The following SRPX2 variants were observed in gnomAD, a reference collection of about 807,000 sequenced individuals.
SRPX2 encodes the protein sushi repeat containing protein X-linked 2.
SRPX2 carries 26 observed loss-of-function variants against 45.3 expected under a neutral mutation model. The ratio of observed to expected loss-of-function variants is 0.57; its 90% confidence interval spans 0.42 to 0.80. The LOEUF (loss-of-function observed/expected upper bound fraction) is 0.80. SRPX2 is among the 30% of genes least tolerant of loss of function. SRPX2 has a pLI of 0.00. For synonymous variants in SRPX2, 125 were observed against 143.7 expected (o/e 0.87, Z 0.93); for missense variants, 355 against 399.8 (o/e 0.89, Z 0.95).
rs192186175 is a variant in SRPX2, at chrX:100,651,158, G to T, written c.163+293G>T. ...AATACAAGGTCTCAGATAGGGTTTTGTCCCCATCATGTAGCTTATATTCTG... is the reference window on the plus strand; with the variant it reads ...AATACAAGGTCTCAGATAGGGTTTTTTCCCCATCATGTAGCTTATATTCTG... On this transcript the variant is annotated intron_variant, in intron 3 of 10. Transcript: ENST00000373004. The T allele has an allele frequency of 2.1e-3, 675 of 321,484 alleles. 7 individuals are homozygous for T. Among genetic ancestry groups the T allele is most frequent in the African/African-American group, 0.016 (613 of 37,879 alleles). The allele number at this position is 321,484 out of a possible 1,213,427, so 26.5% of individuals were successfully genotyped here.
At chrX:100,663,500 C>T (rs1293649823) in intron 4 of SRPX2, among the ~76,000 whole-genome samples, 3 of 111,920 alleles carry the variant, frequency 2.7e-5, no homozygotes, top group Non-Finnish European at 3.8e-5. Context: ...TCTGAAGAGA[C>T]AAATCTTTTG....
At position 100,674,534 on chromosome X, in the gene SRPX2, G is replaced by C. The variant is rs1205581354; in HGVS notation, c.*3547G>C. 8.9e-6 allele frequency: 1 copy of C among 112,231 alleles called. No homozygotes were observed. The highest frequency in any genetic ancestry group is 3.2e-5 in the African/African-American group (1 of 30,818). The allele number at this position is 112,231 out of a possible 1,213,427, so 9.2% of individuals were successfully genotyped here. ...TTTATTAAAGCACACATACATGTCA[G>C]GGGGGTGGGAAACAAAAGAGCAAGT... On this transcript the variant is annotated 3_prime_UTR_variant, in exon 11 of 11. Transcript: ENST00000373004.
Position 100,657,349 on chromosome X carries a change from CTT to C in SRPX2, c.164-4809_164-4808del, listed in dbSNP as rs1163232018. On this transcript the variant is annotated intron_variant, in intron 3 of 10. Coordinates refer to ENST00000373004, the MANE Select transcript of SRPX2 (RefSeq NM_014467.3). ...CCTGGCCGGCATCTGTTATTTATGT[CTT>C]TTTTTTTTTTTTTTTTTGAGACAGA... Among the ~76,000 whole-genome samples, 34 of 28,410 alleles carry C rather than the reference CTT, an allele frequency of 1.2e-3. 1 individual carries two copies. Among genetic ancestry groups the C allele is most frequent in the African/African-American group, 3.0e-3 (29 of 9,679 alleles). The allele number at this position is 28,410 out of a possible 115,157, so 24.7% of individuals were successfully genotyped here. A position where few individuals can be genotyped will look rare whatever the true frequency, so the allele number is the denominator to read the frequency against.
In SRPX2 at chrX:100,646,186, C is replaced by T. The variant is rs1276970933; in HGVS notation, c.-130-7C>T. On this transcript the variant is annotated splice_polypyrimidine_tract_variant and splice_region_variant and intron_variant, in intron 1 of 10. Transcript: ENST00000373004. ...ATTAATTATAAAATCTCTCTTCTTCCTCACAGATCCCATATTTCTGCTTCC... is the reference window on the plus strand; with the variant it reads ...ATTAATTATAAAATCTCTCTTCTTCTTCACAGATCCCATATTTCTGCTTCC... The T allele has an allele frequency of 5.5e-6, 3 of 541,347 alleles. No individual in the cohort carries two copies. The African/African-American group carries it at 6.8e-5, about 12-fold the overall frequency. 44.6% of individuals were successfully genotyped at this position (541,347 alleles called of 1,213,427 possible).
chrX:100,654,616 A>G (rs920723213), intron 3 of SRPX2, among the ~76,000 whole-genome samples: 2 of 111,312 alleles, frequency 1.8e-5, no homozygotes, highest in Admixed American at 9.6e-5. Context: ...CAACAGCCCT[A>G]TGGAACGGTT....
chrX:100,653,647 GTTC>G (rs2083160239), intron 3 of SRPX2, among the ~76,000 whole-genome samples: 2 of 111,795 alleles, frequency 1.8e-5, no homozygotes, highest in Non-Finnish European at 3.8e-5. Flanking sequence ...TCAGTACTGT[GTTC>G]CCAACTGCTT....
intron 10 of SRPX2, 53 bp downstream of exon 10, chrX:100,669,422 G>GGGGGC: frequency 1.6e-5 from 5 of 319,095 alleles, no homozygotes; most frequent in East Asian, 1.1e-4. Flanking sequence ...GGGGCGGGGG[G>GGGGGC]AGAAACCCTA....
rs372950755 is a variant in SRPX2 at position 100,666,816 on chromosome X, G to A, written c.844G>A (p.Asp282Asn). 1.1e-5 allele frequency: 13 copies of A among 1,210,659 alleles called. No individual in the cohort carries two copies. In the African/African-American group the frequency reaches 1.6e-4, roughly 15 times the overall value. ...HGYLTCTSAG[D>N]NYGATCEYHC... Reference sequence around the variant, plus strand: ...CTACCTCACCTGCACCTCAGCGGGGGACAACTATGGTGCCACCTGTGAATA... The same window carrying A: ...CTACCTCACCTGCACCTCAGCGGGGAACAACTATGGTGCCACCTGTGAATA... Residue 282 changes from aspartate to asparagine, a missense_variant, in exon 8 of 11, where the codon GAC (aspartate) becomes AAC (asparagine). By Grantham distance (23) the Asp-to-Asn change is conservative. Coordinates refer to ENST00000373004, the MANE Select transcript of SRPX2 (RefSeq NM_014467.3).
Position 100,646,272 on chromosome X carries a change from A to C in SRPX2, c.-51A>C. 2.7e-6 allele frequency: 3 copies of C among 1,107,211 alleles called. No individual in the cohort carries two copies. The highest frequency in any genetic ancestry group is 3.7e-6 in the Non-Finnish European group (3 of 802,112). 91.2% of individuals were successfully genotyped at this position (1,107,211 alleles called of 1,213,427 possible). On this transcript the variant is annotated 5_prime_UTR_variant, in exon 2 of 11. Transcript: ENST00000373004. The stretch of plus-strand genomic sequence containing the variant: ...GAAAGTCACTTTCCTTTGCCCTGGT[A>C]CTTCAGGCCATATACATCTTTTCTT...
rs1388016515 is a variant in SRPX2, at chrX:100,644,468, G to A, written c.-178G>A. 1 of 111,287 alleles carries A rather than the reference G, an allele frequency of 9.0e-6. No homozygotes were observed. Among genetic ancestry groups the A allele is most frequent in the African/African-American group, 3.3e-5 (1 of 30,485 alleles). 9.2% of individuals were successfully genotyped at this position (111,287 alleles called of 1,213,427 possible). On this transcript the variant is annotated 5_prime_UTR_variant, in exon 1 of 11. Transcript: ENST00000373004. ...AATTGATGAGAGGAGCAGAGAGGAA[G>A]GAGAAAGAGGAGGAGAGAGAAAAAG...
intron 3 of SRPX2, among the ~76,000 whole-genome samples, chrX:100,659,777 C>T (rs371751289): frequency 6.0e-5 from 5 of 83,927 alleles, no homozygotes; most frequent in Non-Finnish European, 6.6e-5. Flanking sequence ...TCATCTACTT[C>T]TTTTTTTTTT....
At chrX:100,650,647 AC>A in intron 2 of SRPX2, 137 bp from the exon 3 acceptor site, 1 of 556,112 alleles carries the variant, frequency 1.8e-6, no homozygotes, top group South Asian at 2.5e-5. Context: ...GATTTCCCCC[AC>A]TAAATATCCA....
intron 3 of SRPX2, among the ~76,000 whole-genome samples, chrX:100,658,810 G>A (rs1343841507): frequency 8.9e-6 from 1 of 111,787 alleles, no homozygotes; most frequent in African/African-American, 3.3e-5. Flanking sequence ...CAGTGTAAAG[G>A]TTTTCACTTC....
At chrX:100,669,395 TG>T in intron 10 of SRPX2, 26 bp downstream of exon 10, 5 of 37,208 alleles carry the variant, frequency 1.3e-4, no homozygotes, top group Non-Finnish European at 2.1e-4. Context: ...CTGCCAAACT[TG>T]GGGGGAGGGG....
chrX:100,652,702 A>G (rs2083157250), intron 3 of SRPX2, among the ~76,000 whole-genome samples: 1 of 111,923 alleles, frequency 8.9e-6, no homozygotes, highest in Admixed American at 9.4e-5. Context: ...GAAAGATGTT[A>G]TCTGGCAAGA....
At chrX:100,655,862 T>G (rs375026946) in intron 3 of SRPX2, among the ~76,000 whole-genome samples, 28 of 98,060 alleles carry the variant, frequency 2.9e-4, no homozygotes, top group African/African-American at 1.1e-3. Flanking sequence ...GGAGTTTTTT[T>G]TTTTTTTTTT....
At chrX:100,663,865 T>G (rs1453808872) in intron 4 of SRPX2, among the ~76,000 whole-genome samples, 1 of 112,222 alleles carries the variant, frequency 8.9e-6, no homozygotes, top group Non-Finnish European at 1.9e-5. Context: ...CTGGTCTGAC[T>G]TGTATTCTTG....
chrX:100,655,491 T>G (rs1471734615), intron 3 of SRPX2, among the ~76,000 whole-genome samples: 1 of 111,653 alleles, frequency 9.0e-6, no homozygotes, highest in African/African-American at 3.3e-5. Flanking sequence ...GCGGATATAT[T>G]ATCTATTCAA....
chrX:100,664,674 T>C (rs2083198381), intron 4 of SRPX2, 100 bp from the exon 5 acceptor site: 4 of 891,029 alleles, frequency 4.5e-6, no homozygotes, highest in Non-Finnish European at 4.8e-6. Context: ...GGTTTCTGTA[T>C]TTTCTGCTCT....
Sources: allele counts gnomAD v4.1 joint callset (sites outside exome capture counted in the v4.1 genomes callset), GRCh38; gene constraint gnomAD v4.1.1; transcripts MANE v1.5; gene names NCBI Gene and HGNC (gene_info 2026-07-23, HGNC 2026-07-21).